The following GALNT17 variants were observed in gnomAD, a reference collection of about 807,000 sequenced individuals.
The protein encoded by GALNT17 is polypeptide N-acetylgalactosaminyltransferase 17.
In GALNT17, 29 loss-of-function variants were observed where a neutral mutation model predicts 63.7. The observed-to-expected ratio is 0.46, with a 90% CI of 0.34 to 0.62. GALNT17 has a LOEUF of 0.62. GALNT17 is among the 20% of genes least tolerant of loss of function. The pLI is 0.01. For missense variants in GALNT17, 603 were observed against 799.6 expected (o/e 0.75, Z 2.97); for synonymous variants, 305 against 318.3 (o/e 0.96, Z 0.45).
chr7:71,238,076 A>G (rs995440922), intron 1 of GALNT17, among the ~76,000 whole-genome samples: 30 of 152,190 alleles, frequency 2.0e-4, no homozygotes, highest in Non-Finnish European at 4.1e-4. Context: ...AATCCACTCC[A>G]CTATTTAATG....
At chr7:71,265,118 A>ATATATATATATATTTTTTTT (rs1390488895) in intron 1 of GALNT17, among the ~76,000 whole-genome samples, 1 of 37,460 alleles carries the variant, frequency 2.7e-5, no homozygotes, top group Non-Finnish European at 6.8e-5. Flanking sequence ...ATATATATAT[A>ATATATATATATATTTTTTTT]TTTTTTTTTT....
chr7:71,632,095 A>G (rs1399240625), intron 6 of GALNT17, among the ~76,000 whole-genome samples: 1 of 139,670 alleles, frequency 7.2e-6, no homozygotes, highest in Non-Finnish European at 1.6e-5. Flanking sequence ...TCTAAAAAAA[A>G]AAAGAAAAAG....
chr7:71,143,305 C>A (rs1014670306), intron 1 of GALNT17, among the ~76,000 whole-genome samples: 2 of 151,396 alleles, frequency 1.3e-5, no homozygotes, highest in African/African-American at 4.9e-5. Flanking sequence ...ACCCGTCATC[C>A]CAGTTACTTG....
At chr7:71,184,828 T>C (rs1270780543) in intron 1 of GALNT17, among the ~76,000 whole-genome samples, 1 of 152,140 alleles carries the variant, frequency 6.6e-6, no homozygotes, top group Non-Finnish European at 1.5e-5. Flanking sequence ...ATGTGGTAAA[T>C]GATGGAGTTT....
chr7:71,307,502 G>A (rs944653950), intron 1 of GALNT17, among the ~76,000 whole-genome samples: 2 of 151,766 alleles, frequency 1.3e-5, no homozygotes, highest in Non-Finnish European at 2.9e-5. Flanking sequence ...GCATCTAAAC[G>A]GAAAATTATA....
intron 3 of GALNT17, among the ~76,000 whole-genome samples, chr7:71,400,570 C>T (rs986421232): frequency 5.9e-5 from 9 of 152,212 alleles, no homozygotes; most frequent in South Asian, 4.1e-4. Flanking sequence ...ATACAAATAT[C>T]GACAACTATT....
At chr7:71,485,388 C>T (rs1787893584) in intron 5 of GALNT17, among the ~76,000 whole-genome samples, 1 of 152,208 alleles carries the variant, frequency 6.6e-6, no homozygotes, top group South Asian at 2.1e-4. Flanking sequence ...TGAGCCACCA[C>T]ACTTGGCATT....
Position 71,265,098 on chromosome 7 carries a change from T to TTATATATATATATATATATA in GALNT17, c.239-70450_239-70431dup, listed in dbSNP as rs1554345967. Among the ~76,000 whole-genome samples the TTATATATATATATATATATA allele has an allele frequency of 7.0e-4, 55 of 78,366 alleles. 1 individual carries two copies. Among genetic ancestry groups the TTATATATATATATATATATA allele is most frequent in the Admixed American group, 1.4e-3 (10 of 7,162 alleles). The allele number at this position is 78,366 out of a possible 152,430, so 51.4% of individuals were successfully genotyped here. A position where few individuals can be genotyped will look rare whatever the true frequency, so the allele number is the denominator to read the frequency against. ...AAATACCACACGTAACCCATAAATATTATATATATATATATATATATTTTT... is the reference window on the plus strand; with the variant it reads ...AAATACCACACGTAACCCATAAATATTATATATATATATATATATATATATATATATATATATATATTTTT... On this transcript the variant is annotated intron_variant, in intron 1 of 10. Coordinates refer to ENST00000333538, the MANE Select transcript of GALNT17 (RefSeq NM_022479.3).
At chr7:71,184,877 T>C (rs1171137239) in intron 1 of GALNT17, among the ~76,000 whole-genome samples, 1 of 152,028 alleles carries the variant, frequency 6.6e-6, no homozygotes, top group African/African-American at 2.4e-5. Flanking sequence ...GGAGGCAGCC[T>C]GCTGCACAAG....
In GALNT17 at chr7:71,421,112, G is replaced by T. The variant is rs745937045; in HGVS notation, c.962+7G>T. 60 of 1,613,858 alleles carry T rather than the reference G, an allele frequency of 3.7e-5. 1 individual carries two copies. In the South Asian group the frequency reaches 6.3e-4, roughly 17 times the overall value. The stretch of plus-strand genomic sequence containing the variant: ...ACCCTTCTCTCCCCATCAGGTCTGT[G>T]GCTGGTGAGCCCTGGCGGCCAACGA... On this transcript the variant is annotated splice_region_variant and intron_variant, in intron 5 of 10. Transcript: ENST00000333538.
At chr7:71,198,325 ATAAC>A (rs1340165883) in intron 1 of GALNT17, among the ~76,000 whole-genome samples, 3 of 152,176 alleles carry the variant, frequency 2.0e-5, no homozygotes, top group South Asian at 2.1e-4. Flanking sequence ...TCCAAAAGCA[ATAAC>A]TAACCGAAAT....
chr7:71,570,868 C>T (rs1224272322), intron 5 of GALNT17, among the ~76,000 whole-genome samples: 1 of 152,132 alleles, frequency 6.6e-6, no homozygotes, highest in African/African-American at 2.4e-5. Context: ...ATCCCAGCTA[C>T]TCAGGGGGTT....
intron 5 of GALNT17, among the ~76,000 whole-genome samples, chr7:71,440,414 G>T (rs186092851): frequency 2.5e-3 from 331 of 131,996 alleles, no homozygotes; most frequent in African/African-American, 8.1e-3. Flanking sequence ...TCCCTCTGTT[G>T]CCCAGGCTAG....
chr7:71,582,240 G>A (rs2116900847), intron 6 of GALNT17, among the ~76,000 whole-genome samples: 1 of 152,158 alleles, frequency 6.6e-6, no homozygotes, highest in African/African-American at 2.4e-5. Flanking sequence ...TTGCAAAAAT[G>A]TGGAACCAAC....
chr7:71,633,560 A>G (rs561099710), intron 6 of GALNT17, among the ~76,000 whole-genome samples: 2 of 152,138 alleles, frequency 1.3e-5, no homozygotes, highest in East Asian at 3.9e-4. Flanking sequence ...CCGGCTCATT[A>G]TTTATTTATT....
intron 1 of GALNT17, among the ~76,000 whole-genome samples, chr7:71,251,285 A>C (rs1450134982): frequency 6.6e-6 from 1 of 152,120 alleles, no homozygotes; most frequent in Non-Finnish European, 1.5e-5. Flanking sequence ...AATATCATTG[A>C]AAATATTACA....
At chr7:71,487,996 C>A (rs944071490) in intron 5 of GALNT17, among the ~76,000 whole-genome samples, 17 of 151,812 alleles carry the variant, frequency 1.1e-4, no homozygotes, top group African/African-American at 3.9e-4. Flanking sequence ...AGCAAGAGAC[C>A]CTGTCTGTAT....
intron 1 of GALNT17, among the ~76,000 whole-genome samples, chr7:71,245,041 G>A (rs1262844768): frequency 2.6e-5 from 4 of 152,050 alleles, no homozygotes; most frequent in South Asian, 2.1e-4. Flanking sequence ...GCAATTAATC[G>A]ATGTCACCTA....
chr7:71,531,391 C>T (rs1014757984), intron 5 of GALNT17, among the ~76,000 whole-genome samples: 9 of 152,228 alleles, frequency 5.9e-5, no homozygotes, highest in African/African-American at 1.7e-4. Flanking sequence ...TAACTATAGG[C>T]GCTATGTTGT....
Sources: gnomAD v4.1 joint callset for allele counts (sites outside exome capture counted in the v4.1 genomes callset) on GRCh38, gnomAD v4.1.1 for gene constraint, MANE v1.5 for transcripts, NCBI Gene and HGNC (gene_info 2026-07-23, HGNC 2026-07-21) for gene names.